Variants in PAK2 observed in about 807,000 individuals in gnomAD.
The protein encoded by PAK2 is serine/threonine-protein kinase PAK 2.
In PAK2, 21 loss-of-function variants were observed where a neutral mutation model predicts 65.9. The ratio of observed to expected loss-of-function variants is 0.32; its 90% confidence interval spans 0.23 to 0.46. The LOEUF (loss-of-function observed/expected upper bound fraction) is 0.46, where lower values mean the gene tolerates loss of function less well. Among genes scored for constraint, PAK2 ranks in the 20% least tolerant of loss-of-function variants. PAK2 has a pLI of 1.00. For synonymous variants in PAK2, 204 were observed against 219.7 expected (o/e 0.93, Z 0.63); for missense variants, 324 against 642.6 (o/e 0.50, Z 5.36).
intron 13 of PAK2, among the ~76,000 whole-genome samples, chr3:196,822,001 T>C (rs925580094): frequency 1.3e-5 from 2 of 152,302 alleles, no homozygotes; most frequent in African/African-American, 2.4e-5. Flanking sequence ...GAGAGTACTG[T>C]GCTAAGTGAA....
At chr3:196,811,791 A>T (rs1560114256) in intron 8 of PAK2, among the ~76,000 whole-genome samples, 1 of 152,080 alleles carries the variant, frequency 6.6e-6, no homozygotes, top group Non-Finnish European at 1.5e-5. Flanking sequence ...CTTTGTAGTT[A>T]AAAGTATGGA....
At chr3:196,767,984 C>T (rs905605680) in intron 1 of PAK2, among the ~76,000 whole-genome samples, 1 of 152,020 alleles carries the variant, frequency 6.6e-6, no homozygotes, top group Non-Finnish European at 1.5e-5. Flanking sequence ...TGTGAATAAA[C>T]TTCTTGGTGA....
Position 196,812,281 on chromosome 3 carries a change from T to G in PAK2, c.822+14T>G. The G allele has an allele frequency of 6.6e-7, 1 of 1,505,098 alleles. No individual in the cohort carries two copies. The allele number at this position is 1,505,098 out of a possible 1,614,324, so 93.2% of individuals were successfully genotyped here. A position where few individuals can be genotyped will look rare whatever the true frequency, so the allele number is the denominator to read the frequency against. On this transcript the variant is annotated intron_variant, in intron 9 of 14. Transcript: ENST00000327134. ...CTGGGACAGGAGGTAGTTACTTTGTTGTAATCCTGGGTGTTACCATTATTT... is the reference window on the plus strand; with the variant it reads ...CTGGGACAGGAGGTAGTTACTTTGTGGTAATCCTGGGTGTTACCATTATTT...
intron 1 of PAK2, among the ~76,000 whole-genome samples, chr3:196,746,561 C>T (rs1000109617): frequency 2.6e-5 from 4 of 152,064 alleles, no homozygotes; most frequent in African/African-American, 7.2e-5. Flanking sequence ...CCTGTTATCC[C>T]AGCACTTTGG....
intron 2 of PAK2, among the ~76,000 whole-genome samples, chr3:196,787,242 G>A (rs1401624448): frequency 4.6e-5 from 7 of 151,900 alleles, no homozygotes; most frequent in Admixed American, 3.9e-4. Context: ...TGTTTATCAT[G>A]TACTTTAACA....
chr3:196,740,842 T>C (rs1025329364), intron 1 of PAK2, among the ~76,000 whole-genome samples: 3 of 151,860 alleles, frequency 2.0e-5, no homozygotes, highest in Non-Finnish European at 2.9e-5. Context: ...CATGTTTGGC[T>C]CTCTTGGAAA....
chr3:196,767,148 T>A (rs531984303), intron 1 of PAK2, among the ~76,000 whole-genome samples: 6 of 152,176 alleles, frequency 3.9e-5, no homozygotes, highest in Non-Finnish European at 8.8e-5. Context: ...GAATGTTCTG[T>A]AGTTAGTTGA....
chr3:196,770,275 A>T (rs938316535), intron 1 of PAK2, among the ~76,000 whole-genome samples: 4 of 151,918 alleles, frequency 2.6e-5, no homozygotes, highest in Non-Finnish European at 4.4e-5. Flanking sequence ...GTATATATAT[A>T]CAGTATTTGT....
Position 196,791,947 on chromosome 3 carries a change from T to C in PAK2, c.187+9114T>C, listed in dbSNP as rs1034041225. On this transcript the variant is annotated intron_variant, in intron 2 of 14. Transcript: ENST00000327134. This position sits in a 1 kb window ranked among gnomAD's most constrained non-coding sequence, Gnocchi z 4.0. ...CAAAAAAAAAAAAAAAGAAATAGAA[T>C]TCCTGGGCTCAGTTTCTTACAACTT... 6.6e-6 allele frequency among the ~76,000 whole-genome samples: 1 copy of C among 151,054 alleles called. No individual in the cohort carries two copies. Among genetic ancestry groups the C allele is most frequent in the Non-Finnish European group, 1.5e-5 (1 of 67,810 alleles).
At chr3:196,757,870 C>G (rs141855614) in intron 1 of PAK2, among the ~76,000 whole-genome samples, 1 of 152,018 alleles carries the variant, frequency 6.6e-6, no homozygotes, top group Non-Finnish European at 1.5e-5. Context: ...CTTGAACATA[C>G]GGTGCTTAAG....
chr3:196,787,901 G>A (rs1456140693), intron 2 of PAK2, among the ~76,000 whole-genome samples: 1 of 152,234 alleles, frequency 6.6e-6, no homozygotes, highest in Non-Finnish European at 1.5e-5. Flanking sequence ...AGAACCTTGT[G>A]TGTGTTTACA....
chr3:196,752,647 TG>T (rs1445956572), intron 1 of PAK2, among the ~76,000 whole-genome samples: 1 of 152,218 alleles, frequency 6.6e-6, no homozygotes, highest in Admixed American at 6.5e-5. Flanking sequence ...TTGCCCAGGC[TG>T]GAGTGCAATG....
intron 4 of PAK2, 149 bp downstream of exon 4, chr3:196,803,313 C>G (rs2108756922): frequency 1.8e-6 from 1 of 560,880 alleles, no homozygotes; most frequent in Non-Finnish European, 3.0e-6. Context: ...GTAGACTGAT[C>G]CAGGGCAGTT....
At chr3:196,775,182 G>A (rs1366724122) in intron 1 of PAK2, among the ~76,000 whole-genome samples, 2 of 152,116 alleles carry the variant, frequency 1.3e-5, no homozygotes, top group Non-Finnish European at 2.9e-5. Flanking sequence ...TTAGGGTTTT[G>A]TTCAGGCAAG....
intron 1 of PAK2, among the ~76,000 whole-genome samples, chr3:196,762,196 G>A (rs2108721374): frequency 9.6e-6 from 1 of 103,732 alleles, no homozygotes; most frequent in Non-Finnish European, 2.2e-5. Flanking sequence ...GGGCGCAGAC[G>A]CTCCTCACTT....
At chr3:196,804,181 TG>T (rs1029586744) in intron 4 of PAK2, among the ~76,000 whole-genome samples, 2 of 152,204 alleles carry the variant, frequency 1.3e-5, no homozygotes, top group Non-Finnish European at 2.9e-5. Flanking sequence ...AAATCGTACA[TG>T]TGGTTTTAAT....
chr3:196,801,345 T>TC (rs754765497), intron 2 of PAK2, among the ~76,000 whole-genome samples: 11 of 152,140 alleles, frequency 7.2e-5, no homozygotes, highest in Non-Finnish European at 1.6e-4. Flanking sequence ...CTGTGCTCTG[T>TC]TACTCAGGCC....
At chr3:196,766,889 A>G (rs1326364587) in intron 1 of PAK2, among the ~76,000 whole-genome samples, 1 of 149,462 alleles carries the variant, frequency 6.7e-6, no homozygotes, top group African/African-American at 2.5e-5. Flanking sequence ...GGAAAAAATT[A>G]TGGTTCTTCC....
Position 196,811,231 on chromosome 3 carries a change from T to TCCCTTCCTTCCCTCCCTCCCTTCCC in PAK2, c.773+578_773+579insCCCTTCCTTCCCTCCCTCCCTTCCC, listed in dbSNP as rs1560113637. Among the ~76,000 whole-genome samples, 2 of 2,864 alleles carry TCCCTTCCTTCCCTCCCTCCCTTCCC rather than the reference T, an allele frequency of 7.0e-4. 1 individual carries two copies. Among genetic ancestry groups the TCCCTTCCTTCCCTCCCTCCCTTCCC allele is most frequent in the Non-Finnish European group, 1.4e-3 (2 of 1,426 alleles). The allele number at this position is 2,864 out of a possible 152,430, so 1.9% of individuals were successfully genotyped here. ...CCTTCCCTTCCCTCCCTCCCTTCCC[T>TCCCTTCCTTCCCTCCCTCCCTTCCC]TCCCTTCCTTCCCTCCCTCCCCTCC... On this transcript the variant is annotated intron_variant, in intron 8 of 14. Coordinates refer to ENST00000327134, the MANE Select transcript of PAK2 (RefSeq NM_002577.4).
Sources: gnomAD v4.1 joint callset for allele counts (sites outside exome capture counted in the v4.1 genomes callset) on GRCh38, gnomAD v4.1.1 for gene constraint, Gnocchi (gnomAD v3.1) non-coding constraint, MANE v1.5 for transcripts, NCBI Gene and HGNC (gene_info 2026-07-23, HGNC 2026-07-21) for gene names.